CCDC171: variants seen among roughly 807,000 people sequenced by gnomAD.
CCDC171 encodes the protein coiled-coil domain containing 171.
Under a neutral mutation model 168.2 loss-of-function variants are expected in CCDC171, and 177 were observed. That is an observed-to-expected ratio of 1.05 (90% CI 0.93 to 1.19). The LOEUF (loss-of-function observed/expected upper bound fraction) is 1.19. CCDC171 is among the 50% of genes most tolerant of loss of function. CCDC171 has a pLI of 0.00. For missense variants in CCDC171, 1,991 were observed against 1,539.0 expected, an observed-to-expected ratio of 1.29 and a Z score of -4.91; for synonymous variants, 687 against 540.8, an observed-to-expected ratio of 1.27 and a Z score of -3.75.
intron 10 of CCDC171, among the ~76,000 whole-genome samples, chr9:15,685,148 A>G (rs1346795190): frequency 2.6e-5 from 4 of 152,308 alleles, no homozygotes; most frequent in South Asian, 2.1e-4. Flanking sequence ...ACCTAAACTT[A>G]TTCTTTATGT....
intron 3 of CCDC171, among the ~76,000 whole-genome samples, chr9:15,577,068 C>T (rs771102715): frequency 1.3e-5 from 2 of 152,144 alleles, no homozygotes; most frequent in Non-Finnish European, 2.9e-5. Flanking sequence ...ATCCTATGTT[C>T]TTCCTACTTA....
intron 7 of CCDC171, among the ~76,000 whole-genome samples, chr9:15,646,728 C>T (rs141429340): frequency 2.6e-5 from 4 of 152,330 alleles, no homozygotes; most frequent in African/African-American, 9.6e-5. Context: ...GCACCCAATA[C>T]AGGAGCACTC....
chr9:15,854,141 T>A (rs9407665), intron 23 of CCDC171, among the ~76,000 whole-genome samples: 2 of 150,488 alleles, frequency 1.3e-5, no homozygotes, highest in Non-Finnish European at 3.0e-5. Flanking sequence ...GATGCTCCCT[T>A]CTCTTCATTT....
chr9:15,793,155 A>C (rs539647297), intron 21 of CCDC171, among the ~76,000 whole-genome samples: 4 of 152,148 alleles, frequency 2.6e-5, no homozygotes, highest in Admixed American at 2.0e-4. Context: ...GAAAACAAAA[A>C]AAGGCAGGGG....
Position 16,007,175 on chromosome 9 carries a change from A to T in CCDC171, n.369-13414A>T, listed in dbSNP as rs575246165. Among the ~76,000 whole-genome samples the T allele has an allele frequency of 2.7e-3, 405 of 152,300 alleles. 2 individuals carry two copies. The highest frequency in any genetic ancestry group is 4.3e-3 in the Non-Finnish European group (290 of 68,038). On this transcript the variant is annotated intron_variant and non_coding_transcript_variant, in intron 3 of 9. Coordinates refer to the CCDC171 transcript ENST00000486641. ...TGTGGTTTTGATTTGCATTTCCCTG[A>T]TGGCCAGTGATGGTGAGCATTTTTT...
At chr9:15,840,344 A>G (rs980849742) in intron 21 of CCDC171, among the ~76,000 whole-genome samples, 9 of 152,258 alleles carry the variant, frequency 5.9e-5, no homozygotes, top group Admixed American at 2.0e-4. Flanking sequence ...AGTTTTTTAC[A>G]ACTTAATTCA....
intron 6 of CCDC171, among the ~76,000 whole-genome samples, chr9:15,608,989 A>T (rs10962096): frequency 0.4 from 53,131 of 133,814 alleles, 11,614 homozygotes; most frequent in East Asian, 0.73. Flanking sequence ...TTTTTTTTTA[A>T]AAAATATATT....
At chr9:15,925,232 A>G (rs1460057459) in intron 25 of CCDC171, among the ~76,000 whole-genome samples, 1 of 151,626 alleles carries the variant, frequency 6.6e-6, no homozygotes, top group Non-Finnish European at 1.5e-5. Context: ...GGGCTGTCCT[A>G]GACTAGGGTA....
In CCDC171 at chr9:15,787,245, CT is replaced by C. The variant is rs200424950; in HGVS notation, c.3267+2561del. ...ATCATTTCTTTGTGGTGATAATCCA[CT>C]TTTTTTTTTACCATTTTGAAATATA... On this transcript the variant is annotated intron_variant, in intron 21 of 25. Transcript: ENST00000380701. Among the ~76,000 whole-genome samples, 37 of 148,206 alleles carry C rather than the reference CT, an allele frequency of 2.5e-4. No homozygotes were observed. In the South Asian group the frequency reaches 2.8e-3, roughly 11 times the overall value.
intron 21 of CCDC171, among the ~76,000 whole-genome samples, chr9:15,818,433 G>A (rs148461786): frequency 0.03 from 3,454 of 116,496 alleles, 1,043 homozygotes; most frequent in African/African-American, 0.11. Flanking sequence ...TGGCAAAGAA[G>A]TTAAAAACCT....
chr9:15,726,796 T>G (rs1028234107), intron 14 of CCDC171, among the ~76,000 whole-genome samples: 1 of 152,228 alleles, frequency 6.6e-6, no homozygotes, highest in African/African-American at 2.4e-5. Context: ...TTGTCTCTTT[T>G]AAAAGTTTTC....
At chr9:15,628,610 A>C (rs1346121500) in intron 7 of CCDC171, among the ~76,000 whole-genome samples, 5 of 152,254 alleles carry the variant, frequency 3.3e-5, no homozygotes, top group Non-Finnish European at 7.3e-5. Flanking sequence ...GGGCACAGAC[A>C]AACAAAAAGA....
chr9:15,649,966 A>C (rs991151849), intron 7 of CCDC171, among the ~76,000 whole-genome samples: 2 of 152,180 alleles, frequency 1.3e-5, no homozygotes, highest in African/African-American at 4.8e-5. Context: ...TTATTGCGGC[A>C]CTATTCACAA....
At chr9:16,082,072 T>C in the CCDC171 span, among the ~76,000 whole-genome samples, 1 of 152,132 alleles carries the variant, frequency 6.6e-6, no homozygotes, top group African/African-American at 2.4e-5. Flanking sequence ...TTTTGTAAAA[T>C]TGTCTAAATT....
intron 9 of CCDC171, among the ~76,000 whole-genome samples, chr9:15,673,384 C>G (rs1311999314): frequency 6.6e-6 from 1 of 152,096 alleles, no homozygotes; most frequent in Non-Finnish European, 1.5e-5. Context: ...AGTTCCAACA[C>G]TATGTTGAAT....
At chr9:15,681,673 G>T (rs973534008) in intron 10 of CCDC171, among the ~76,000 whole-genome samples, 2 of 151,630 alleles carry the variant, frequency 1.3e-5, no homozygotes, top group Non-Finnish European at 2.9e-5. Context: ...TAGATTAGTG[G>T]CCTTTGGGGG....
At chr9:15,902,022 A>G (rs1246499552) in intron 24 of CCDC171, among the ~76,000 whole-genome samples, 1 of 152,188 alleles carries the variant, frequency 6.6e-6, no homozygotes, top group African/African-American at 2.4e-5. Flanking sequence ...GATGAGGGTT[A>G]CAAATCTGTA....
chr9:16,070,823 A>T, the CCDC171 span, among the ~76,000 whole-genome samples: 1 of 152,286 alleles, frequency 6.6e-6, no homozygotes, highest in Non-Finnish European at 1.5e-5. Flanking sequence ...GACCGCACTC[A>T]TTCCGTTTTT....
intron 18 of CCDC171, among the ~76,000 whole-genome samples, chr9:15,760,158 C>G (rs911741312): frequency 6.6e-6 from 1 of 152,066 alleles, no homozygotes; most frequent in Non-Finnish European, 1.5e-5. Context: ...AAAATTTAAG[C>G]CATTTTAAAT....
Sources: gnomAD v4.1 joint callset for allele counts (sites outside exome capture counted in the v4.1 genomes callset) on GRCh38, gnomAD v4.1.1 for gene constraint, MANE v1.5 for transcripts, NCBI Gene and HGNC (gene_info 2026-07-23, HGNC 2026-07-21) for gene names.